Variants in DMTF1 observed in about 807,000 individuals in gnomAD.
DMTF1 encodes the protein cyclin D binding myb like transcription factor 1.
A neutral mutation model predicts 91.1 loss-of-function variants in DMTF1; 39 were observed. The ratio of observed to expected loss-of-function variants is 0.43; its 90% CI spans 0.33 to 0.56. DMTF1 has a LOEUF of 0.56. Among genes scored for constraint, DMTF1 ranks in the 20% least tolerant of loss-of-function variants. The pLI is 0.05. For synonymous variants in DMTF1, 338 were observed against 309.5 expected, an observed-to-expected ratio of 1.09 and a Z score of -0.97; for missense variants, 750 against 914.5, an observed-to-expected ratio of 0.82 and a Z score of 2.32.
intron 4 of DMTF1, among the ~76,000 whole-genome samples, chr7:87,169,790 T>G (rs1053840390): frequency 6.6e-6 from 1 of 152,220 alleles, no homozygotes; most frequent in African/African-American, 2.4e-5. Context: ...TCTATTTTTC[T>G]GTCCATTTCT....
Position 87,196,055 on chromosome 7 carries a change from A to ACAAATCTAAGAATC in DMTF1, c.*916_*929dup, listed in dbSNP as rs1801159159. 1.3e-5 allele frequency: 2 copies of ACAAATCTAAGAATC among 152,494 alleles called. No homozygotes were observed. Among genetic ancestry groups the ACAAATCTAAGAATC allele is most frequent in the Non-Finnish European group, 1.5e-5 (1 of 68,034 alleles). The allele number at this position is 152,494 out of a possible 1,614,324, so 9.4% of individuals were successfully genotyped here. On this transcript the variant is annotated 3_prime_UTR_variant, in exon 18 of 18. Coordinates refer to ENST00000331242, the MANE Select transcript of DMTF1 (RefSeq NM_001142327.2). ...ATATTTGCTTCTATAACAAAAGGAAACAAATCTAAGAATCATTCCTGTACT... is the reference window on the plus strand; with the variant it reads ...ATATTTGCTTCTATAACAAAAGGAAACAAATCTAAGAATCCAAATCTAAGAATCATTCCTGTACT...
At chr7:87,182,105 A>G in intron 9 of DMTF1, 123 bp from the exon 10 acceptor site, 1 of 1,549,920 alleles carries the variant, frequency 6.5e-7, no homozygotes, top group Non-Finnish European at 8.7e-7. Context: ...TTGGCTCTCA[A>G]AGTATTGCTG....
chr7:87,195,033 C>A lies in DMTF1; in HGVS notation c.2176C>A (p.Pro726Thr), dbSNP rs1236192545. 1 of 1,607,302 alleles carries A rather than the reference C, an allele frequency of 6.2e-7. No individual in the cohort carries two copies. Among genetic ancestry groups the A allele is most frequent in the African/African-American group, 1.3e-5 (1 of 74,704 alleles). ...GACTAACTTGAAACTCATTACAGAT[C>A]CCATACTCCAACATCATCAGGAAGA... ...SVLPLTTLTD[P>T]ILQHHQEESN... Residue 726 changes from proline (P) to threonine (T), a missense_variant and splice_region_variant, in exon 18 of 18, where the codon CCC becomes ACC. Physicochemically the swap from Pro to Thr is conservative, Grantham distance 38. Transcript: ENST00000331242.
intron 4 of DMTF1, among the ~76,000 whole-genome samples, chr7:87,167,953 G>A (rs528252294): frequency 2.6e-4 from 39 of 152,292 alleles, no homozygotes; most frequent in Non-Finnish European, 5.0e-4. Flanking sequence ...GTTCATGATT[G>A]TAGGTTCAAA....
At chr7:87,161,087 C>T (rs1156404792) in intron 1 of DMTF1, among the ~76,000 whole-genome samples, 1 of 152,004 alleles carries the variant, frequency 6.6e-6, no homozygotes. Flanking sequence ...CCTTTTGAAT[C>T]TTGAACTGTG....
chr7:87,189,848 T>C (rs1799335673), intron 13 of DMTF1, among the ~76,000 whole-genome samples: 1 of 152,150 alleles, frequency 6.6e-6, no homozygotes, highest in Admixed American at 6.6e-5. Flanking sequence ...GACAGTAGTT[T>C]GCTAACCTTG....
At chr7:87,162,279 C>T (rs1792645087) in intron 1 of DMTF1, among the ~76,000 whole-genome samples, 1 of 152,072 alleles carries the variant, frequency 6.6e-6, no homozygotes, top group Admixed American at 6.5e-5. Flanking sequence ...CTCACTATCT[C>T]AGGCTGGTCT....
At chr7:87,175,018 G>GT (rs1554341380) in intron 7 of DMTF1, among the ~76,000 whole-genome samples, 1 of 146,966 alleles carries the variant, frequency 6.8e-6, no homozygotes, top group African/African-American at 2.5e-5. Context: ...GTTTTGTTTT[G>GT]TTTTTGTTTT....
intron 7 of DMTF1, among the ~76,000 whole-genome samples, chr7:87,178,202 A>T (rs1796637890): frequency 6.6e-6 from 1 of 152,082 alleles, no homozygotes; most frequent in East Asian, 1.9e-4. Flanking sequence ...CTAAGTTCTG[A>T]TGCTCTTAAT....
intron 13 of DMTF1, among the ~76,000 whole-genome samples, chr7:87,190,326 T>TTA (rs2129183549): frequency 6.6e-6 from 1 of 152,122 alleles, no homozygotes; most frequent in South Asian, 2.1e-4. Context: ...TACCTGAACA[T>TTA]TAGTTTATAA....
chr7:87,184,834 A>G (rs1222058079), intron 11 of DMTF1: 4 of 665,114 alleles, frequency 6.0e-6, no homozygotes, highest in Non-Finnish European at 1.1e-5. Flanking sequence ...TTTAGTGCTC[A>G]TGCAAAGTAC....
chr7:87,167,800 A>G (rs1439954433), intron 4 of DMTF1, among the ~76,000 whole-genome samples: 1 of 152,214 alleles, frequency 6.6e-6, no homozygotes, highest in South Asian at 2.1e-4. Context: ...TTTGACTATC[A>G]TTATGTTGTG....
chr7:87,184,641 C>A lies in DMTF1; in HGVS notation c.1049+16C>A. On this transcript the variant is annotated intron_variant, in intron 11 of 17. Transcript: ENST00000331242. ...TCATCCTCAGGTTTGTGTCCTGAATCTTGTAATGACAAAAGCAACTTAATT... is the reference window on the plus strand; with the variant it reads ...TCATCCTCAGGTTTGTGTCCTGAATATTGTAATGACAAAAGCAACTTAATT... 6.2e-7 allele frequency: 1 copy of A among 1,603,858 alleles called. No homozygotes were observed. Among genetic ancestry groups the A allele is most frequent in the South Asian group, 1.1e-5 (1 of 90,578 alleles).
intron 6 of DMTF1, among the ~76,000 whole-genome samples, chr7:87,174,359 A>T (rs1044043727): frequency 2.0e-5 from 3 of 152,072 alleles, no homozygotes; most frequent in Non-Finnish European, 2.9e-5. Context: ...TTTTTTTTAA[A>T]TCTTTTAATT....
chr7:87,175,024 G>GTTTT (rs1277996073), intron 7 of DMTF1, among the ~76,000 whole-genome samples: 4 of 138,214 alleles, frequency 2.9e-5, no homozygotes, highest in Admixed American at 2.9e-4. Flanking sequence ...TTTTGTTTTT[G>GTTTT]TTTTTTTTTT....
chr7:87,152,503 T>A lies in DMTF1; in HGVS notation c.-184T>A, dbSNP rs1209692501. The A allele has an allele frequency of 2.6e-5, 4 of 152,780 alleles. No individual in the cohort carries two copies. Among genetic ancestry groups the A allele is most frequent in the Non-Finnish European group, 5.9e-5 (4 of 68,080 alleles). The allele number at this position is 152,780 out of a possible 1,614,324, so 9.5% of individuals were successfully genotyped here. On this transcript the variant is annotated 5_prime_UTR_variant, in exon 1 of 18. Coordinates refer to ENST00000331242, the MANE Select transcript of DMTF1 (RefSeq NM_001142327.2). ...GTGGCTGCTTCCTCCATCCTGGTAT[T>A]TTTTGGAGCTTCCATCCTGGTTCTT...
chr7:87,179,992 A>T (rs1395515616), intron 8 of DMTF1, among the ~76,000 whole-genome samples: 1 of 152,218 alleles, frequency 6.6e-6, no homozygotes, highest in East Asian at 1.9e-4. Flanking sequence ...TTAAAGATTT[A>T]AGAAGTGTGA....
chr7:87,156,644 T>TAG (rs1009210417), intron 1 of DMTF1, among the ~76,000 whole-genome samples: 1 of 152,170 alleles, frequency 6.6e-6, no homozygotes, highest in Admixed American at 6.5e-5. Context: ...TCTATGACCT[T>TAG]ACCTCTTGTC....
Position 87,185,807 on chromosome 7 carries a change from G to A in DMTF1, c.1050-22G>A, listed in dbSNP as rs531853076. 236 of 1,613,156 alleles carry A rather than the reference G, an allele frequency of 1.5e-4. No homozygotes were observed. The South Asian group carries it at 2.4e-3, about 17-fold the overall frequency. Reference sequence around the variant, plus strand: ...TAGAGAAATTAATTTAATGTCTAACGATGCTTATTTTGTAACTGTAGGATA... The same window carrying A: ...TAGAGAAATTAATTTAATGTCTAACAATGCTTATTTTGTAACTGTAGGATA... On this transcript the variant is annotated intron_variant, in intron 11 of 17. Transcript: ENST00000331242.
Sources: gnomAD v4.1 joint callset for allele counts (sites outside exome capture counted in the v4.1 genomes callset) on GRCh38, gnomAD v4.1.1 for gene constraint, MANE v1.5 for transcripts, NCBI Gene and HGNC (gene_info 2026-07-23, HGNC 2026-07-21) for gene names.